The following COL19A1 variants were observed in gnomAD, a reference collection of about 807,000 sequenced individuals.
The protein encoded by COL19A1 is collagen type XIX alpha 1 chain, also known as collagen alpha-1(XIX) chain.
A neutral mutation model predicts 190.2 loss-of-function variants in COL19A1; 159 were observed. The observed-to-expected ratio is 0.84, with a 90% CI of 0.73 to 0.95. COL19A1 has a LOEUF of 0.95. Ranked by LOEUF, COL19A1 falls within the 40% of genes least tolerant of loss-of-function variation. The pLI is 0.00. For missense variants in COL19A1, 1,418 were observed against 1,431.9 expected (o/e 0.99, Z 0.16); for synonymous variants, 509 against 458.9 (o/e 1.11, Z -1.39).
At chr6:70,038,204 C>T (rs1314429413) in intron 14 of COL19A1, among the ~76,000 whole-genome samples, 1 of 152,170 alleles carries the variant, frequency 6.6e-6, no homozygotes, top group Non-Finnish European at 1.5e-5. Flanking sequence ...AGTCAATAAA[C>T]AGAGTTCATC....
At chr6:69,956,916 T>C (rs73746829) in intron 9 of COL19A1, among the ~76,000 whole-genome samples, 1 of 152,060 alleles carries the variant, frequency 6.6e-6, no homozygotes, top group Admixed American at 6.6e-5. Flanking sequence ...TAATAGGATC[T>C]CGGACATTTT....
intron 15 of COL19A1, among the ~76,000 whole-genome samples, chr6:70,069,072 G>C (rs1781409461): frequency 6.6e-6 from 1 of 152,016 alleles, no homozygotes; most frequent in South Asian, 2.1e-4. Context: ...CCCCATTCTT[G>C]TGTTTTACTG....
chr6:69,994,024 A>G (rs1177253278), intron 11 of COL19A1, among the ~76,000 whole-genome samples: 3 of 151,432 alleles, frequency 2.0e-5, no homozygotes, highest in African/African-American at 7.3e-5. Context: ...TTGTTTTTCA[A>G]GTTCCTCTAG....
intron 6 of COL19A1, among the ~76,000 whole-genome samples, chr6:69,930,899 G>A (rs957470535): frequency 3.9e-5 from 6 of 152,148 alleles, no homozygotes; most frequent in African/African-American, 1.2e-4. Flanking sequence ...GGTAAAAACC[G>A]TGGTATTACA....
At chr6:70,032,517 G>A (rs1024488825) in intron 12 of COL19A1, among the ~76,000 whole-genome samples, 1 of 152,052 alleles carries the variant, frequency 6.6e-6, no homozygotes, top group Admixed American at 6.6e-5. Context: ...ACCAAATTAA[G>A]CAAAATAAAA....
intron 18 of COL19A1, among the ~76,000 whole-genome samples, chr6:70,130,590 TA>T (rs1380805766): frequency 1.3e-5 from 2 of 152,208 alleles, no homozygotes; most frequent in African/African-American, 4.8e-5. Flanking sequence ...CATTCCCACG[TA>T]GGGGGCAGCC....
At chr6:70,147,099 C>T (rs1431140463) in intron 27 of COL19A1, among the ~76,000 whole-genome samples, 3 of 152,158 alleles carry the variant, frequency 2.0e-5, no homozygotes, top group Non-Finnish European at 4.4e-5. Context: ...ATGCTGGTCA[C>T]ACATACACTA....
intron 11 of COL19A1, among the ~76,000 whole-genome samples, chr6:69,972,147 A>C (rs1775464567): frequency 6.6e-6 from 1 of 152,112 alleles, no homozygotes; most frequent in African/African-American, 2.4e-5. Context: ...ACTGCTTTGA[A>C]TATTTTCCCC....
At chr6:70,033,844 G>T (rs1434584825) in intron 12 of COL19A1, among the ~76,000 whole-genome samples, 2 of 151,984 alleles carry the variant, frequency 1.3e-5, no homozygotes, top group Non-Finnish European at 2.9e-5. Context: ...AAATGTTTTT[G>T]ATTTTACTCT....
At chr6:70,137,854 G>A in intron 19 of COL19A1, 107 bp downstream of exon 19, 1 of 1,012,252 alleles carries the variant, frequency 9.9e-7, no homozygotes, top group Non-Finnish European at 1.5e-6. Context: ...ATCCTGTCAT[G>A]GGAAACAACA....
chr6:69,926,737 G>A (rs886921458), intron 4 of COL19A1, among the ~76,000 whole-genome samples: 1 of 152,046 alleles, frequency 6.6e-6, no homozygotes, highest in African/African-American at 2.4e-5. Context: ...CTCAAATTTG[G>A]TAAAAGGTAT....
chr6:69,883,649 G>T (rs968501076), intron 2 of COL19A1, among the ~76,000 whole-genome samples: 1 of 152,144 alleles, frequency 6.6e-6, no homozygotes, highest in Non-Finnish European at 1.5e-5. Context: ...TCACTAAACT[G>T]CAAAGAGTAT....
rs1347425307 is a variant in COL19A1, at chr6:69,921,430, A to T, written c.267-6479A>T. Among the ~76,000 whole-genome samples the T allele has an allele frequency of 3.3e-5, 4 of 122,212 alleles. 1 individual carries two copies. Among genetic ancestry groups the T allele is most frequent in the African/African-American group, 1.4e-4 (4 of 27,654 alleles). 80.2% of individuals were successfully genotyped at this position (122,212 alleles called of 152,430 possible). ...ATATATCATATATCATATATATCAT[A>T]TATATCATATATATCATATATCATA... On this transcript the variant is annotated intron_variant, in intron 4 of 50. Coordinates refer to ENST00000620364, the MANE Select transcript of COL19A1 (RefSeq NM_001858.6).
chr6:70,117,655 C>T (rs543758122), intron 16 of COL19A1, among the ~76,000 whole-genome samples: 45 of 152,286 alleles, frequency 3.0e-4, no homozygotes, highest in African/African-American at 1.1e-3. Context: ...TGAATCAGTA[C>T]AGTTAGGTTC....
intron 9 of COL19A1, among the ~76,000 whole-genome samples, chr6:69,947,276 A>G (rs1773876718): frequency 6.6e-6 from 1 of 151,926 alleles, no homozygotes; most frequent in Non-Finnish European, 1.5e-5. Flanking sequence ...CAGTGTATCA[A>G]TAAAATGCTA....
At chr6:69,902,285 T>A (rs1162682343) in intron 4 of COL19A1, among the ~76,000 whole-genome samples, 1 of 152,252 alleles carries the variant, frequency 6.6e-6, no homozygotes, top group East Asian at 1.9e-4. Flanking sequence ...AGAGTCAGCA[T>A]GGGAAAAGGC....
chr6:70,192,031 A>G lies in COL19A1; in HGVS notation c.3094+1650A>G, dbSNP rs1047079077. ...CTTGTAGCTACTTTAATGACAAAAC[A>G]GAAAAAAATGGGGTTTTTTGTTGTT... On this transcript the variant is annotated intron_variant, in intron 48 of 50. Coordinates refer to ENST00000620364, the MANE Select transcript of COL19A1 (RefSeq NM_001858.6). 8.7e-5 allele frequency among the ~76,000 whole-genome samples: 13 copies of G among 149,010 alleles called. 1 individual carries two copies. In the South Asian group the frequency reaches 1.1e-3, roughly 13 times the overall value.
rs374599879 is a variant in COL19A1, at chr6:70,202,632, G to A, written c.3223+2896G>A. 3.4e-4 allele frequency among the ~76,000 whole-genome samples: 52 copies of A among 152,202 alleles called. 1 individual carries two copies. The highest frequency in any genetic ancestry group is 1.4e-3 in the East Asian group (7 of 5,176). On this transcript the variant is annotated intron_variant, in intron 49 of 50. Coordinates refer to ENST00000620364, the MANE Select transcript of COL19A1 (RefSeq NM_001858.6). ...TTTCCTGTGCTTATTCTGAGAAGCC[G>A]GAGACGTATAGAAAGCAGTGAGAAA...
intron 16 of COL19A1, among the ~76,000 whole-genome samples, chr6:70,114,684 C>A (rs1034702724): frequency 1.3e-5 from 2 of 152,152 alleles, no homozygotes; most frequent in African/African-American, 4.8e-5. Context: ...TTTATTATCA[C>A]CTGCATGTAA....
Sources: allele counts gnomAD v4.1 joint callset (sites outside exome capture counted in the v4.1 genomes callset), GRCh38; gene constraint gnomAD v4.1.1; transcripts MANE v1.5; gene names NCBI Gene and HGNC (gene_info 2026-07-23, HGNC 2026-07-21).